PKNOX2: variants seen among roughly 807,000 people sequenced by gnomAD.
PKNOX2 encodes PBX/knotted 1 homeobox 2, also known as homeobox protein PKNOX2.
Under a neutral mutation model 53.1 loss-of-function variants are expected in PKNOX2, and 14 were observed. The ratio of observed to expected loss-of-function variants is 0.26; its 90% CI spans 0.17 to 0.41. PKNOX2 has a LOEUF of 0.41. Ranked by LOEUF, PKNOX2 falls within the 10% of genes least tolerant of loss-of-function variation. The pLI is 1.00. For missense variants in PKNOX2, 496 were observed against 602.8 expected, an observed-to-expected ratio of 0.82 and a Z score of 1.85; for synonymous variants, 257 against 242.8, an observed-to-expected ratio of 1.06 and a Z score of -0.54.
chr11:125,170,047 G>T (rs1387619461), intron 1 of PKNOX2, among the ~76,000 whole-genome samples: 1 of 152,220 alleles, frequency 6.6e-6, no homozygotes, highest in Admixed American at 6.5e-5. Flanking sequence ...GGCAAGGCCT[G>T]AGCCCTGACT....
chr11:125,431,698 C>A lies in PKNOX2; in HGVS notation c.*306C>A. On this transcript the variant is annotated 3_prime_UTR_variant, in exon 13 of 13. Coordinates refer to ENST00000298282, the MANE Select transcript of PKNOX2 (RefSeq NM_001382323.2). ...TCACCAAATCCCTGAGGATAGATGG[C>A]ACCCATGGCCCCCACCCACGGAAGG... is the stretch of plus-strand genomic sequence containing the variant. 1 of 376,816 alleles carries A rather than the reference C, an allele frequency of 2.7e-6. No homozygotes were observed. The highest frequency in any genetic ancestry group is 4.9e-6 in the Non-Finnish European group (1 of 204,364). The allele number at this position is 376,816 out of a possible 1,614,324, so 23.3% of individuals were successfully genotyped here.
At chr11:125,175,830 G>A (rs1223106466) in intron 1 of PKNOX2, among the ~76,000 whole-genome samples, 1 of 152,186 alleles carries the variant, frequency 6.6e-6, no homozygotes, top group Admixed American at 6.5e-5. Flanking sequence ...GGAAGATTAA[G>A]TGAGGTGATG....
chr11:125,388,992 C>T (rs779145415), intron 6 of PKNOX2, among the ~76,000 whole-genome samples: 32 of 152,136 alleles, frequency 2.1e-4, no homozygotes, highest in South Asian at 8.3e-4. Context: ...GCTAGGAGTT[C>T]GAGACCAGCC....
chr11:125,172,176 C>T (rs1233445354), intron 1 of PKNOX2, among the ~76,000 whole-genome samples: 1 of 152,170 alleles, frequency 6.6e-6, no homozygotes, highest in Non-Finnish European at 1.5e-5. Context: ...GGAGCTTAGC[C>T]CCCTCTACCT....
At position 125,322,832 on chromosome 11, in the gene PKNOX2, G is replaced by T. The variant is rs145159218; in HGVS notation, c.-129-8987G>T. On this transcript the variant is annotated intron_variant, in intron 2 of 12. Coordinates refer to ENST00000298282, the MANE Select transcript of PKNOX2 (RefSeq NM_001382323.2). ...GCCGAGACAGTTAAGTCTCAGTTTT[G>T]CTTATTCTGTCTGTAAAATGGGTAT... 1.0e-3 allele frequency among the ~76,000 whole-genome samples: 156 copies of T among 152,292 alleles called. 1 individual carries two copies. The highest frequency in any genetic ancestry group is 3.6e-3 in the African/African-American group (148 of 41,552).
intron 6 of PKNOX2, among the ~76,000 whole-genome samples, chr11:125,387,645 GT>G (rs1953741749): frequency 6.6e-6 from 1 of 152,208 alleles, no homozygotes; most frequent in Non-Finnish European, 1.5e-5. Flanking sequence ...CAGGGATGTG[GT>G]TGCTGTGGAA....
chr11:125,230,737 T>G (rs554996693), intron 1 of PKNOX2, among the ~76,000 whole-genome samples: 1 of 152,202 alleles, frequency 6.6e-6, no homozygotes, highest in South Asian at 2.1e-4. Context: ...CTTTTTCCTA[T>G]TCAGTTGCAG....
intron 3 of PKNOX2, among the ~76,000 whole-genome samples, chr11:125,342,616 C>G (rs1950753539): frequency 6.6e-6 from 1 of 152,208 alleles, no homozygotes; most frequent in Admixed American, 6.5e-5. Flanking sequence ...GTGTTGTTTT[C>G]TCAGCTCAGT....
chr11:125,305,581 C>T lies in PKNOX2; in HGVS notation c.-129-26238C>T, dbSNP rs186464303. On this transcript the variant is annotated intron_variant, in intron 2 of 12. Coordinates refer to ENST00000298282, the MANE Select transcript of PKNOX2 (RefSeq NM_001382323.2). ...GCATAGCTGGAGGGGAGCCACTCAG[C>T]GCACGGCACCCACTCCAGCTCACAT... 8.3e-4 allele frequency among the ~76,000 whole-genome samples: 126 copies of T among 152,288 alleles called. 1 individual carries two copies. Among genetic ancestry groups the T allele is most frequent in the Admixed American group, 2.3e-3 (35 of 15,310 alleles).
intron 2 of PKNOX2, among the ~76,000 whole-genome samples, chr11:125,308,443 G>A (rs1156965806): frequency 6.6e-6 from 1 of 152,196 alleles, no homozygotes; most frequent in Non-Finnish European, 1.5e-5. Flanking sequence ...CATGTCAGGA[G>A]AAGCACAAGA....
intron 1 of PKNOX2, among the ~76,000 whole-genome samples, chr11:125,213,632 A>T (rs1386923613): frequency 6.6e-6 from 1 of 151,948 alleles, no homozygotes; most frequent in Non-Finnish European, 1.5e-5. Context: ...TAATTTTTGT[A>T]ATTTTTGTAA....
rs545046931 is a variant in PKNOX2, at chr11:125,255,675, C to T, written c.-130+20560C>T. The stretch of plus-strand genomic sequence containing the variant: ...AGACAAGAGCTGTCCAAGTCACATG[C>T]GGGGTGACGTACTAGAGAGTAACAG... On this transcript the variant is annotated intron_variant, in intron 2 of 12. Transcript: ENST00000298282. Among the ~76,000 whole-genome samples, 18 of 149,772 alleles carry T rather than the reference C, an allele frequency of 1.2e-4. No individual in the cohort carries two copies. The South Asian group carries it at 2.6e-3, about 21-fold the overall frequency.
chr11:125,349,330 C>G (rs917494045), intron 3 of PKNOX2, among the ~76,000 whole-genome samples: 1 of 151,860 alleles, frequency 6.6e-6, no homozygotes, highest in African/African-American at 2.4e-5. Context: ...TGAACAGAGG[C>G]CTTGGTTCCC....
chr11:125,230,679 G>A (rs1012494043), intron 1 of PKNOX2, among the ~76,000 whole-genome samples: 2 of 152,192 alleles, frequency 1.3e-5, no homozygotes, highest in African/African-American at 4.8e-5. Flanking sequence ...AACTTGTCAT[G>A]GGCAGTAGGA....
intron 5 of PKNOX2, among the ~76,000 whole-genome samples, chr11:125,371,083 C>A (rs1952507569): frequency 6.6e-6 from 1 of 152,186 alleles, no homozygotes; most frequent in South Asian, 2.1e-4. Flanking sequence ...TGGTTCCCTT[C>A]TGATGTGGAA....
At chr11:125,387,424 G>A (rs2135391744) in intron 6 of PKNOX2, among the ~76,000 whole-genome samples, 1 of 152,168 alleles carries the variant, frequency 6.6e-6, no homozygotes, top group Non-Finnish European at 1.5e-5. Context: ...CTCATGCCCT[G>A]CCCACCACCA....
chr11:125,340,419 A>T (rs182703843), intron 3 of PKNOX2, among the ~76,000 whole-genome samples: 2 of 152,276 alleles, frequency 1.3e-5, no homozygotes, highest in Admixed American at 1.3e-4. Flanking sequence ...CCTCACCCTG[A>T]GACTTCCAGT....
intron 2 of PKNOX2, among the ~76,000 whole-genome samples, chr11:125,287,408 A>G (rs1201140653): frequency 6.6e-6 from 1 of 152,212 alleles, no homozygotes; most frequent in African/African-American, 2.4e-5. Flanking sequence ...GCCCCTTCAC[A>G]GAGCCACAGT....
At chr11:125,247,836 C>T (rs1943678059) in intron 2 of PKNOX2, among the ~76,000 whole-genome samples, 1 of 152,188 alleles carries the variant, frequency 6.6e-6, no homozygotes, top group Non-Finnish European at 1.5e-5. Flanking sequence ...GCCCCTGTAT[C>T]TTTGCCAAGG....
Sources: gnomAD v4.1 joint callset for allele counts (sites outside exome capture counted in the v4.1 genomes callset) on GRCh38, gnomAD v4.1.1 for gene constraint, MANE v1.5 for transcripts, NCBI Gene and HGNC (gene_info 2026-07-23, HGNC 2026-07-21) for gene names.